NEGR1: variants seen among roughly 807,000 people sequenced by gnomAD.
NEGR1 encodes the protein IgLON family member 4.
In NEGR1, 10 loss-of-function variants were observed where a neutral mutation model predicts 40.9. That is an observed-to-expected ratio of 0.24 (90% CI 0.15 to 0.42). NEGR1 has a LOEUF of 0.42. Ranked by LOEUF, NEGR1 falls within the 10% of genes least tolerant of loss-of-function variation. NEGR1 has a pLI of 1.00. For missense variants in NEGR1, 352 were observed against 438.9 expected (o/e 0.80, Z 1.77); for synonymous variants, 185 against 166.8 (o/e 1.11, Z -0.84).
At chr1:72,241,160 C>T (rs369780441) in intron 1 of NEGR1, among the ~76,000 whole-genome samples, 54 of 151,596 alleles carry the variant, frequency 3.6e-4, no homozygotes, top group African/African-American at 1.2e-3. Flanking sequence ...TCTGAAGTCT[C>T]CTTGTAGTTT....
chr1:72,131,082 T>G (rs914613759), intron 1 of NEGR1, among the ~76,000 whole-genome samples: 2 of 152,216 alleles, frequency 1.3e-5, no homozygotes, highest in Non-Finnish European at 2.9e-5. Context: ...CAAATACTTT[T>G]ACATTTTAAG....
intron 1 of NEGR1, among the ~76,000 whole-genome samples, chr1:72,011,733 G>A (rs1646658998): frequency 6.6e-6 from 1 of 152,158 alleles, no homozygotes; most frequent in Admixed American, 6.6e-5. Context: ...TTCTGATTCA[G>A]TGGTTAAAGA....
At chr1:71,826,394 TTC>T (rs1190631941) in intron 2 of NEGR1, among the ~76,000 whole-genome samples, 1 of 151,944 alleles carries the variant, frequency 6.6e-6, no homozygotes, top group Non-Finnish European at 1.5e-5. Context: ...TCACTAAATC[TTC>T]TCTCTCTCTT....
chr1:71,426,587 T>C (rs574274319), intron 6 of NEGR1, among the ~76,000 whole-genome samples: 1 of 152,340 alleles, frequency 6.6e-6, no homozygotes, highest in East Asian at 1.9e-4. Context: ...TCTCAACTGC[T>C]GTGTTCTGTA....
chr1:71,822,036 G>C (rs768578000), intron 2 of NEGR1, among the ~76,000 whole-genome samples: 29 of 151,770 alleles, frequency 1.9e-4, no homozygotes, highest in Non-Finnish European at 4.1e-4. Context: ...TTTTGTATGT[G>C]AGTGTGAGCC....
intron 6 of NEGR1, among the ~76,000 whole-genome samples, chr1:71,568,829 C>CGTGTGTGTGTGTGTGTGTGTGTGTGT (rs35692576): frequency 2.7e-5 from 4 of 147,532 alleles, no homozygotes; most frequent in Non-Finnish European, 6.0e-5. Context: ...TATATGTATA[C>CGTGTGTGTGTGTGTGTGTGTGTGTGT]GTGTGTGTGT....
intron 1 of NEGR1, among the ~76,000 whole-genome samples, chr1:71,999,422 AAATACCAG>A (rs1340429430): frequency 1.3e-5 from 2 of 151,346 alleles, no homozygotes; most frequent in African/African-American, 4.9e-5. Flanking sequence ...GGAAGATGAC[AAATACCAG>A]AAGTTTTAAG....
At chr1:71,964,875 A>T (rs138637145) in intron 1 of NEGR1, among the ~76,000 whole-genome samples, 66 of 152,206 alleles carry the variant, frequency 4.3e-4, no homozygotes, top group African/African-American at 1.6e-3. Flanking sequence ...GGGTTTGGGA[A>T]AGAGGATTTC....
chr1:72,161,866 A>C (rs1262971338), intron 1 of NEGR1, among the ~76,000 whole-genome samples: 1 of 150,468 alleles, frequency 6.6e-6, no homozygotes, highest in Non-Finnish European at 1.5e-5. Context: ...TTTGTTTTGT[A>C]TTTTAATGGA....
chr1:71,482,448 T>C (rs1434378528), intron 6 of NEGR1, among the ~76,000 whole-genome samples: 4 of 151,834 alleles, frequency 2.6e-5, no homozygotes, highest in Non-Finnish European at 5.9e-5. Flanking sequence ...ACAAAATCTT[T>C]TTTGATTAAA....
rs547038777 is a variant in NEGR1 at position 71,454,327 on chromosome 1, AC to A, written c.941-46758del. Among the ~76,000 whole-genome samples the A allele has an allele frequency of 2.7e-4, 40 of 150,400 alleles. 1 individual carries two copies. In the South Asian group the frequency reaches 6.7e-3, roughly 25 times the overall value. On this transcript the variant is annotated intron_variant, in intron 6 of 6. Transcript: ENST00000357731. ...TCTATTGTCATTAGTTCTGGATCCA[AC>A]TTTTTTTTTTCTATTTAATTTAATT...
intron 1 of NEGR1, among the ~76,000 whole-genome samples, chr1:72,197,128 T>C (rs1210742530): frequency 6.6e-6 from 1 of 152,058 alleles, no homozygotes; most frequent in East Asian, 1.9e-4. Context: ...TGGATTTTTA[T>C]GTTCCACTAG....
At chr1:71,471,521 C>T (rs1358662837) in intron 6 of NEGR1, among the ~76,000 whole-genome samples, 3 of 152,132 alleles carry the variant, frequency 2.0e-5, no homozygotes, top group South Asian at 2.1e-4. Flanking sequence ...TAACACCTGC[C>T]TGTAGTCCCA....
intron 4 of NEGR1, among the ~76,000 whole-genome samples, chr1:71,620,179 T>C (rs548558829): frequency 6.6e-6 from 1 of 152,078 alleles, no homozygotes; most frequent in African/African-American, 2.4e-5. Flanking sequence ...AGAGTAGTAA[T>C]GTGTTTCATG....
intron 6 of NEGR1, among the ~76,000 whole-genome samples, chr1:71,584,920 TA>T (rs1365704678): frequency 6.6e-6 from 1 of 152,144 alleles, no homozygotes; most frequent in African/African-American, 2.4e-5. Flanking sequence ...CTGTGTGAAA[TA>T]AAATAGCAAG....
At chr1:72,200,811 C>G (rs961495006) in intron 1 of NEGR1, among the ~76,000 whole-genome samples, 3 of 151,856 alleles carry the variant, frequency 2.0e-5, no homozygotes, top group African/African-American at 7.2e-5. Flanking sequence ...AGTTATGACA[C>G]GTTTTCAACC....
rs1646261483 is a variant in NEGR1 at position 71,403,997 on chromosome 1, T to A, written c.*3449A>T. ...ATTTCTGGATTTCAAAAAACAATTTTTATTGAAAAGATTAAATAGGTAACT... is the reference window on the plus strand; with the variant it reads ...ATTTCTGGATTTCAAAAAACAATTTATATTGAAAAGATTAAATAGGTAACT... On this transcript the variant is annotated 3_prime_UTR_variant, in exon 7 of 7. Transcript: ENST00000357731. 1 of 348,220 alleles carries A rather than the reference T, an allele frequency of 2.9e-6. No individual in the cohort carries two copies. The highest frequency in any genetic ancestry group is 1.5e-4 in the South Asian group (1 of 6,882). 21.6% of individuals were successfully genotyped at this position (348,220 alleles called of 1,614,324 possible). A position where few individuals can be genotyped will look rare whatever the true frequency, so the allele number is the denominator to read the frequency against.
At position 72,236,306 on chromosome 1, in the gene NEGR1, T is replaced by C. The variant is rs551715718; in HGVS notation, c.176+46013A>G. Among the ~76,000 whole-genome samples, 5 of 151,944 alleles carry C rather than the reference T, an allele frequency of 3.3e-5. No individual in the cohort carries two copies. The South Asian group carries it at 1.0e-3, about 32-fold the overall frequency. On this transcript the variant is annotated intron_variant, in intron 1 of 6. Transcript: ENST00000357731. ...GAGGGGTGGGGAGATAGAGGAGGGA[T>C]ACCTTTAGGAGAAATACCTAATGTA...
intron 6 of NEGR1, among the ~76,000 whole-genome samples, chr1:71,534,594 T>A (rs1419875102): frequency 6.6e-6 from 1 of 151,778 alleles, no homozygotes; most frequent in Non-Finnish European, 1.5e-5. Context: ...CAGTCATCTA[T>A]CAGACATTGC....
Sources: gnomAD v4.1 joint callset for allele counts (sites outside exome capture counted in the v4.1 genomes callset) on GRCh38, gnomAD v4.1.1 for gene constraint, MANE v1.5 for transcripts, NCBI Gene and HGNC (gene_info 2026-07-23, HGNC 2026-07-21) for gene names.